ERICH1: variants seen among roughly 807,000 people sequenced by gnomAD.
ERICH1 encodes the protein glutamate-rich protein 1.
Under a neutral mutation model 39.6 loss-of-function variants are expected in ERICH1, and 56 were observed. The ratio of observed to expected loss-of-function variants is 1.41; its 90% CI spans 1.14 to 1.77. The LOEUF (loss-of-function observed/expected upper bound fraction) is 1.77, where lower values mean the gene tolerates loss of function less well. Ranked by LOEUF, ERICH1 falls within the 40% of genes most tolerant of loss-of-function variation. ERICH1 has a pLI of 0.00. For missense variants in ERICH1, 826 were observed against 575.4 expected, an observed-to-expected ratio of 1.44 and a Z score of -4.45; for synonymous variants, 313 against 223.6, an observed-to-expected ratio of 1.40 and a Z score of -3.57.
At chr8:699,749 ACGTGCACACTCACAC>A (rs1354719831) in intron 2 of ERICH1, among the ~76,000 whole-genome samples, 2 of 144,538 alleles carry the variant, frequency 1.4e-5, no homozygotes, top group East Asian at 5.7e-4. Flanking sequence ...AGACACGCAC[ACGTGCACACTCACAC>A]AGCCGCACAG....
chr8:723,591 A>C (rs1260796626), intron 1 of ERICH1, among the ~76,000 whole-genome samples: 1 of 152,248 alleles, frequency 6.6e-6, no homozygotes, highest in East Asian at 1.9e-4. Flanking sequence ...AGAAAATACC[A>C]AATTCTGCTC....
At chr8:660,484 G>A (rs776943652), downstream of ERICH1, among the ~76,000 whole-genome samples, 5 of 152,272 alleles carry the variant, frequency 3.3e-5, no homozygotes, top group Non-Finnish European at 5.9e-5. Context: ...AGGACACGGA[G>A]CCTCTGTCCT....
At chr8:636,511 C>G (rs1292129767) in intron 3 of ERICH1, among the ~76,000 whole-genome samples, 1 of 152,250 alleles carries the variant, frequency 6.6e-6, no homozygotes, top group Non-Finnish European at 1.5e-5. Flanking sequence ...CTGGGTTCTG[C>G]CCCACGTGGG....
At chr8:683,068 T>C (rs1211305155) in intron 3 of ERICH1, among the ~76,000 whole-genome samples, 3 of 152,198 alleles carry the variant, frequency 2.0e-5, no homozygotes, top group Admixed American at 6.5e-5. Context: ...AATAACACCA[T>C]AGATTGTACT....
At chr8:643,053 G>A (rs1799197138) in intron 3 of ERICH1, among the ~76,000 whole-genome samples, 1 of 152,186 alleles carries the variant, frequency 6.6e-6, no homozygotes, top group Admixed American at 6.5e-5. Context: ...CCTGTCACAT[G>A]GATAAGCACC....
At chr8:670,574 T>A (rs2131832158) in intron 4 of ERICH1, among the ~76,000 whole-genome samples, 1 of 152,328 alleles carries the variant, frequency 6.6e-6, no homozygotes, top group Middle Eastern at 3.4e-3. Flanking sequence ...GCTGCCCTGC[T>A]CTGCTGGGCT....
intron 2 of ERICH1, among the ~76,000 whole-genome samples, chr8:707,212 T>TG (rs1228284978): frequency 6.9e-6 from 1 of 144,690 alleles, no homozygotes; most frequent in Non-Finnish European, 1.5e-5. Context: ...TTGTTTCTTT[T>TG]TTTTTTTTTT....
At chr8:701,206 C>T (rs563308613) in intron 2 of ERICH1, among the ~76,000 whole-genome samples, 1 of 151,792 alleles carries the variant, frequency 6.6e-6, no homozygotes, top group Non-Finnish European at 1.5e-5. Flanking sequence ...ACCCACGGGT[C>T]TACCCTGCTG....
chr8:689,957 T>C (rs1166843355), intron 3 of ERICH1, among the ~76,000 whole-genome samples: 1 of 151,990 alleles, frequency 6.6e-6, no homozygotes, highest in Non-Finnish European at 1.5e-5. Flanking sequence ...TAAATGTGGC[T>C]GTGTAGCATT....
rs375911166 is a variant in ERICH1 at position 700,408 on chromosome 8, G to C, written c.170-7796C>G. ...CCGCACACGCGCACAGGCCCGCACA[G>C]GCGCACAGGCCCGCAGACGCGCACA... On this transcript the variant is annotated intron_variant, in intron 2 of 5. Coordinates refer to ENST00000262109, the MANE Select transcript of ERICH1 (RefSeq NM_207332.3). 6.4e-3 allele frequency among the ~76,000 whole-genome samples: 185 copies of C among 29,072 alleles called. 29 individuals are homozygous for C. The highest frequency in any genetic ancestry group is 0.012 in the African/African-American group (120 of 9,660). The allele number at this position is 29,072 out of a possible 152,430, so 19.1% of individuals were successfully genotyped here.
rs577514098 is a variant in ERICH1 at position 664,351 on chromosome 8, G to C, written c.*252C>G. On this transcript the variant is annotated 3_prime_UTR_variant, in exon 6 of 6. Coordinates refer to ENST00000262109, the MANE Select transcript of ERICH1 (RefSeq NM_207332.3). Reference sequence around the variant, plus strand: ...CCATTTTCAATTTTTACAATAAGTAGAGAAACAGAATCAAGTTTTATGTAG... The same window carrying C: ...CCATTTTCAATTTTTACAATAAGTACAGAAACAGAATCAAGTTTTATGTAG... The C allele has an allele frequency of 1.1e-4, 129 of 1,129,832 alleles. No individual in the cohort carries two copies. Among genetic ancestry groups the C allele is most frequent in the East Asian group, 3.2e-4 (7 of 21,870 alleles). 70.0% of individuals were successfully genotyped at this position (1,129,832 alleles called of 1,614,324 possible).
Position 675,150 on chromosome 8 carries a change from G to C in ERICH1, c.305-1103C>G, listed in dbSNP as rs542640818. 2.4e-3 allele frequency among the ~76,000 whole-genome samples: 232 copies of C among 94,712 alleles called. 15 individuals are homozygous for C. Among genetic ancestry groups the C allele is most frequent in the Non-Finnish European group, 4.1e-3 (166 of 40,096 alleles). The allele number at this position is 94,712 out of a possible 152,430, so 62.1% of individuals were successfully genotyped here. ...CCTCGGCGAGGACAGAGACGCGGCGGCCCCTCGTGAGGACAGAGACGCGGC... is the reference window on the plus strand; with the variant it reads ...CCTCGGCGAGGACAGAGACGCGGCGCCCCCTCGTGAGGACAGAGACGCGGC... On this transcript the variant is annotated intron_variant, in intron 3 of 5. Transcript: ENST00000262109.
chr8:687,178 CA>C (rs1323133803), intron 3 of ERICH1, among the ~76,000 whole-genome samples: 1 of 152,202 alleles, frequency 6.6e-6, no homozygotes, highest in African/African-American at 2.4e-5. Flanking sequence ...CTAGAATCAC[CA>C]TCACAACAGC....
chr8:707,829 A>G (rs1277526297), intron 2 of ERICH1, among the ~76,000 whole-genome samples: 2 of 152,248 alleles, frequency 1.3e-5, no homozygotes, highest in African/African-American at 4.8e-5. Flanking sequence ...TTGGGGCTTT[A>G]AAGGATACCA....
At chr8:683,130 C>T (rs1241406559) in intron 3 of ERICH1, among the ~76,000 whole-genome samples, 3 of 152,206 alleles carry the variant, frequency 2.0e-5, no homozygotes, top group Non-Finnish European at 4.4e-5. Context: ...CTCCGGCCTG[C>T]TGAGAAGCAT....
intron 4 of ERICH1, chr8:671,758 A>C (rs11785577): frequency 0.054 from 6,220 of 114,700 alleles, 660 homozygotes; most frequent in East Asian, 0.24. Flanking sequence ...CTCCAGGCTG[A>C]GACCTCTGAA....
At chr8:698,260 C>G (rs1269416741) in intron 2 of ERICH1, among the ~76,000 whole-genome samples, 1 of 151,250 alleles carries the variant, frequency 6.6e-6, no homozygotes, top group African/African-American at 2.4e-5. Flanking sequence ...ACTCTGTCAC[C>G]CAGGCTGGAG....
chr8:681,407 G>T (rs1806088863), intron 3 of ERICH1, among the ~76,000 whole-genome samples: 1 of 152,222 alleles, frequency 6.6e-6, no homozygotes, highest in Non-Finnish European at 1.5e-5. Context: ...CCCAGCAGGG[G>T]TCACAATAAT....
At chr8:703,561 C>T (rs1812629703) in intron 2 of ERICH1, among the ~76,000 whole-genome samples, 2 of 152,104 alleles carry the variant, frequency 1.3e-5, no homozygotes, top group Admixed American at 1.3e-4. Context: ...CCCAGGAGCC[C>T]CAGGCACCAT....
Sources: allele counts gnomAD v4.1 joint callset (sites outside exome capture counted in the v4.1 genomes callset), GRCh38; gene constraint gnomAD v4.1.1; transcripts MANE v1.5; gene names NCBI Gene and HGNC (gene_info 2026-07-23, HGNC 2026-07-21).